LIMS1: variants seen among roughly 807,000 people sequenced by gnomAD.
LIMS1 encodes the protein LIM zinc finger domain containing 1, also known as LIM and senescent cell antigen-like-containing domain protein 1.
LIMS1 carries 18 observed loss-of-function variants against 44.1 expected under a neutral mutation model. That is an observed-to-expected ratio of 0.41 (90% CI 0.28 to 0.61). LIMS1 has a LOEUF of 0.61. LIMS1 is among the 20% of genes least tolerant of loss of function. The probability of loss-of-function intolerance (pLI) is 0.32; values close to 1 mark genes in which losing one functional copy is unlikely to be tolerated. For missense variants in LIMS1, 201 were observed against 422.0 expected, an observed-to-expected ratio of 0.48 and a Z score of 4.59; for synonymous variants, 93 against 149.1, an observed-to-expected ratio of 0.62 and a Z score of 2.74.
intron 1 of LIMS1, among the ~76,000 whole-genome samples, chr2:108,573,452 C>T (rs1685558170): frequency 6.6e-6 from 1 of 152,130 alleles, no homozygotes; most frequent in Admixed American, 6.5e-5. Flanking sequence ...CTTAACGATA[C>T]ACCAGCTGAT....
At chr2:108,626,283 T>C (rs1688571253) in intron 1 of LIMS1, among the ~76,000 whole-genome samples, 1 of 152,232 alleles carries the variant, frequency 6.6e-6, no homozygotes, top group Non-Finnish European at 1.5e-5. Flanking sequence ...ATTATCTTAT[T>C]ATCTGATATT....
intron 2 of LIMS1, among the ~76,000 whole-genome samples, chr2:108,668,751 T>TG: frequency 6.6e-6 from 1 of 152,246 alleles, no homozygotes; most frequent in Non-Finnish European, 1.5e-5. Context: ...CTGGATCATA[T>TG]GGTAGTTCCA....
At chr2:108,611,836 A>AATATATATATAT (rs138970063) in intron 1 of LIMS1, among the ~76,000 whole-genome samples, 14,247 of 130,626 alleles carry the variant, frequency 0.11, 1,842 homozygotes, top group East Asian at 0.67. Context: ...CATGATCTAA[A>AATATATATATAT]ATATATATAT....
intron 1 of LIMS1, among the ~76,000 whole-genome samples, chr2:108,575,054 G>T (rs1369794962): frequency 6.6e-6 from 1 of 152,056 alleles, no homozygotes; most frequent in East Asian, 1.9e-4. Flanking sequence ...AATTTGGCAG[G>T]ATACTCTTCT....
At chr2:108,541,906 T>C (rs1398951219) in intron 1 of LIMS1, among the ~76,000 whole-genome samples, 1 of 152,272 alleles carries the variant, frequency 6.6e-6, no homozygotes, top group Non-Finnish European at 1.5e-5. Context: ...GAATTCTTTT[T>C]TGGTAATTAC....
chr2:108,630,558 AC>A (rs1460500545), intron 1 of LIMS1, among the ~76,000 whole-genome samples: 1 of 152,256 alleles, frequency 6.6e-6, no homozygotes, highest in Non-Finnish European at 1.5e-5. Context: ...TTTTTGAAAT[AC>A]GTATCATGAC....
chr2:108,673,355 A>G, intron 5 of LIMS1: 2 of 381,350 alleles, frequency 5.2e-6, no homozygotes, highest in East Asian at 5.8e-5. Context: ...GAATAAGAGC[A>G]TTTTCCTATG....
chr2:108,649,266 C>G (rs566828960), intron 1 of LIMS1, among the ~76,000 whole-genome samples: 1 of 152,280 alleles, frequency 6.6e-6, no homozygotes, highest in South Asian at 2.1e-4. Flanking sequence ...AAATCAAAAC[C>G]ACAATGAGAT....
chr2:108,596,793 C>T (rs536861888), intron 1 of LIMS1, among the ~76,000 whole-genome samples: 4 of 151,624 alleles, frequency 2.6e-5, no homozygotes, highest in Non-Finnish European at 2.9e-5. Flanking sequence ...ATTGCACAGC[C>T]TGGACAACAA....
intron 1 of LIMS1, among the ~76,000 whole-genome samples, chr2:108,573,569 G>C (rs1275309341): frequency 6.6e-6 from 1 of 152,178 alleles, no homozygotes; most frequent in Non-Finnish European, 1.5e-5. Flanking sequence ...TTGTAATCAT[G>C]TGTTATTTAA....
At chr2:108,547,341 C>T (rs1684514023) in intron 1 of LIMS1, among the ~76,000 whole-genome samples, 2 of 152,158 alleles carry the variant, frequency 1.3e-5, no homozygotes, top group Admixed American at 6.5e-5. Flanking sequence ...TCTTTCTCTT[C>T]AAACCCTTAG....
chr2:108,559,703 A>G (rs950285027), intron 1 of LIMS1, among the ~76,000 whole-genome samples: 3 of 152,218 alleles, frequency 2.0e-5, no homozygotes, highest in Admixed American at 6.5e-5. Flanking sequence ...TATAGAATCT[A>G]TATCAGTCTT....
In LIMS1 at chr2:108,644,931, G is replaced by A. The variant is rs1249566672; in HGVS notation, c.33-14674G>A. ...GAAGATCAACTCAATGAAATAAAGCGTGAAGACAAGATTAGAGGGAAAAAA... is the reference window on the plus strand; with the variant it reads ...GAAGATCAACTCAATGAAATAAAGCATGAAGACAAGATTAGAGGGAAAAAA... On this transcript the variant is annotated intron_variant, in intron 1 of 9. Coordinates refer to ENST00000544547, the Ensembl canonical transcript of LIMS1. Among the ~76,000 whole-genome samples, 5 of 151,858 alleles carry A rather than the reference G, an allele frequency of 3.3e-5. No homozygotes were observed. The South Asian group carries it at 8.3e-4, about 25-fold the overall frequency.
In LIMS1 at chr2:108,670,779, A is replaced by G; in HGVS notation, c.193-2A>G. On this transcript the variant is annotated splice_acceptor_variant, in intron 2 of 9. Coordinates refer to ENST00000544547, the Ensembl canonical transcript of LIMS1. LOFTEE classifies it high-confidence loss of function. ...GTAAGTTGGTGGTACCCTCTCTTTC[A>G]GTTTGAAGGAAGAAAGTACTGTGAA... 6.2e-7 allele frequency: 1 copy of G among 1,611,788 alleles called. No individual in the cohort carries two copies. The highest frequency in any genetic ancestry group is 2.2e-5 in the East Asian group (1 of 44,862).
chr2:108,646,403 G>A (rs1690064696), intron 1 of LIMS1, among the ~76,000 whole-genome samples: 1 of 152,084 alleles, frequency 6.6e-6, no homozygotes, highest in Non-Finnish European at 1.5e-5. Context: ...CGAAATGAGG[G>A]CAAAAATAAA....
At chr2:108,590,306 T>C (rs577014787) in intron 1 of LIMS1, among the ~76,000 whole-genome samples, 37 of 152,318 alleles carry the variant, frequency 2.4e-4, no homozygotes, top group African/African-American at 7.9e-4. Flanking sequence ...ATAGTTATAA[T>C]GAACAGGAGA....
intron 1 of LIMS1, among the ~76,000 whole-genome samples, chr2:108,560,624 T>G (rs1401099739): frequency 6.6e-6 from 1 of 151,886 alleles, no homozygotes; most frequent in Non-Finnish European, 1.5e-5. Flanking sequence ...CCTGCTTGCT[T>G]TTCTCCTGAC....
chr2:108,657,382 C>T (rs1690951093), intron 1 of LIMS1, among the ~76,000 whole-genome samples: 1 of 152,306 alleles, frequency 6.6e-6, no homozygotes, highest in Non-Finnish European at 1.5e-5. Context: ...ACAACAGAGC[C>T]ATATATATGA....
intron 1 of LIMS1, among the ~76,000 whole-genome samples, chr2:108,635,198 A>G (rs1451632150): frequency 6.6e-6 from 1 of 152,188 alleles, no homozygotes; most frequent in Non-Finnish European, 1.5e-5. Context: ...TGGGAGGCCC[A>G]GGCGGGTGGA....
Sources: allele counts gnomAD v4.1 joint callset (sites outside exome capture counted in the v4.1 genomes callset), GRCh38; gene constraint gnomAD v4.1.1; transcripts MANE v1.5; gene names NCBI Gene and HGNC (gene_info 2026-07-23, HGNC 2026-07-21).